CNTN4: variants seen among roughly 807,000 people sequenced by gnomAD.
CNTN4 encodes contactin-4.
A neutral mutation model predicts 122.5 loss-of-function variants in CNTN4; 77 were observed. That is an observed-to-expected ratio of 0.63 (90% confidence interval 0.52 to 0.76). The LOEUF (loss-of-function observed/expected upper bound fraction) is 0.76. Ranked by LOEUF, CNTN4 falls within the 30% of genes least tolerant of loss-of-function variation. The pLI is 0.00. For missense variants in CNTN4, 1,256 were observed against 1,259.1 expected (o/e 1.00, Z 0.04); for synonymous variants, 512 against 447.0 (o/e 1.15, Z -1.83).
intron 6 of CNTN4, among the ~76,000 whole-genome samples, chr3:2,786,199 C>T (rs2091820878): frequency 6.6e-6 from 1 of 152,092 alleles, no homozygotes; most frequent in Non-Finnish European, 1.5e-5. Flanking sequence ...GTTTGTATGA[C>T]CTCATTCCTC....
chr3:2,899,177 C>A lies in CNTN4; in HGVS notation c.941-1508C>A, dbSNP rs535893358. Among the ~76,000 whole-genome samples, 97 of 152,292 alleles carry A rather than the reference C, an allele frequency of 6.4e-4. 2 individuals are homozygous for A. In the South Asian group the frequency reaches 0.02, roughly 31 times the overall value. ...CAGCATTTATTCAAGGGCCTAGAGACCTCTGCTGGTTAAGTGATTTGTTGA... is the reference window on the plus strand; with the variant it reads ...CAGCATTTATTCAAGGGCCTAGAGAACTCTGCTGGTTAAGTGATTTGTTGA... On this transcript the variant is annotated intron_variant, in intron 10 of 24. Transcript: ENST00000418658.
At chr3:2,140,118 G>T (rs1224450754) in intron 2 of CNTN4, among the ~76,000 whole-genome samples, 1 of 152,092 alleles carries the variant, frequency 6.6e-6, no homozygotes, top group Non-Finnish European at 1.5e-5. Context: ...CTTCTCCTTT[G>T]CCTTCCACCA....
intron 6 of CNTN4, among the ~76,000 whole-genome samples, chr3:2,789,045 T>C (rs2091926137): frequency 6.6e-6 from 1 of 152,318 alleles, no homozygotes; most frequent in Admixed American, 6.5e-5. Context: ...GGATTTCCTC[T>C]GGGGCTCTAC....
intron 2 of CNTN4, among the ~76,000 whole-genome samples, chr3:2,119,689 T>C (rs2033593977): frequency 1.3e-5 from 2 of 152,156 alleles, no homozygotes; most frequent in African/African-American, 4.8e-5. Flanking sequence ...AATGGGAAAA[T>C]AATCTCTTTC....
At chr3:2,501,810 T>C (rs766034214) in intron 3 of CNTN4, among the ~76,000 whole-genome samples, 2 of 152,072 alleles carry the variant, frequency 1.3e-5, no homozygotes, top group African/African-American at 2.4e-5. Context: ...TCCTCCCAAA[T>C]CTGAAACTTT....
intron 2 of CNTN4, among the ~76,000 whole-genome samples, chr3:2,125,851 A>G (rs1181127776): frequency 6.6e-6 from 1 of 151,254 alleles, no homozygotes; most frequent in Non-Finnish European, 1.5e-5. Flanking sequence ...CCACAGCACC[A>G]GGCCTTCTAT....
chr3:2,736,942 C>T (rs2089154068), intron 5 of CNTN4, among the ~76,000 whole-genome samples: 1 of 152,084 alleles, frequency 6.6e-6, no homozygotes, highest in Non-Finnish European at 1.5e-5. Context: ...TGCCACCATG[C>T]CCAGCTAATC....
chr3:2,200,415 C>T (rs1288897509), intron 2 of CNTN4, among the ~76,000 whole-genome samples: 1 of 152,110 alleles, frequency 6.6e-6, no homozygotes, highest in Non-Finnish European at 1.5e-5. Context: ...CTCTCTGTTT[C>T]CTCCCGGGAC....
At chr3:3,009,192 C>G (rs1343780970) in intron 14 of CNTN4, among the ~76,000 whole-genome samples, 1 of 152,176 alleles carries the variant, frequency 6.6e-6, no homozygotes, top group Non-Finnish European at 1.5e-5. Flanking sequence ...GCCATGGTTA[C>G]TTTCCTCGGA....
intron 2 of CNTN4, among the ~76,000 whole-genome samples, chr3:2,262,182 A>T (rs897162285): frequency 6.6e-6 from 1 of 152,162 alleles, no homozygotes; most frequent in Non-Finnish European, 1.5e-5. Flanking sequence ...ACGAGAGGAG[A>T]TATCTAAAAT....
chr3:2,228,874 G>GAA (rs2039384103), intron 2 of CNTN4, among the ~76,000 whole-genome samples: 1 of 152,070 alleles, frequency 6.6e-6, no homozygotes, highest in South Asian at 2.1e-4. Flanking sequence ...CTAGAATATG[G>GAA]AAATTTGGAC....
intron 2 of CNTN4, among the ~76,000 whole-genome samples, chr3:2,265,639 C>T (rs1357841082): frequency 2.0e-5 from 3 of 151,940 alleles, no homozygotes; most frequent in Non-Finnish European, 4.4e-5. Context: ...TGCAATCAGT[C>T]TATAGATTGC....
At chr3:2,124,076 A>G (rs2033972300) in intron 2 of CNTN4, among the ~76,000 whole-genome samples, 1 of 152,210 alleles carries the variant, frequency 6.6e-6, no homozygotes, top group East Asian at 1.9e-4. Flanking sequence ...TGCTTGTGGA[A>G]TGAAAATAAG....
intron 11 of CNTN4, among the ~76,000 whole-genome samples, chr3:2,901,354 A>C (rs2094171216): frequency 6.6e-6 from 1 of 152,222 alleles, no homozygotes; most frequent in Non-Finnish European, 1.5e-5. Context: ...ATTGAGAGGC[A>C]GTCTTTCATG....
At chr3:2,348,725 C>A (rs1304079135) in intron 3 of CNTN4, among the ~76,000 whole-genome samples, 1 of 152,128 alleles carries the variant, frequency 6.6e-6, no homozygotes, top group East Asian at 1.9e-4. Context: ...AGCTTCCTAG[C>A]CTATAAAAAA....
At chr3:2,759,641 A>T (rs1011967286) in intron 6 of CNTN4, among the ~76,000 whole-genome samples, 1 of 151,800 alleles carries the variant, frequency 6.6e-6, no homozygotes, top group East Asian at 1.9e-4. Context: ...GTATATTCCT[A>T]GGAGTGGAGT....
At chr3:2,223,357 T>TC (rs2039138922) in intron 2 of CNTN4, among the ~76,000 whole-genome samples, 1 of 152,070 alleles carries the variant, frequency 6.6e-6, no homozygotes, top group Non-Finnish European at 1.5e-5. Context: ...CATATATCCT[T>TC]CCCCCTTCTG....
intron 14 of CNTN4, among the ~76,000 whole-genome samples, chr3:3,003,324 A>G (rs1265535003): frequency 6.6e-6 from 1 of 152,190 alleles, no homozygotes; most frequent in Non-Finnish European, 1.5e-5. Context: ...TAATAGCCAC[A>G]GTGAAATCAA....
intron 3 of CNTN4, among the ~76,000 whole-genome samples, chr3:2,435,093 C>A (rs1233753730): frequency 6.6e-6 from 1 of 152,100 alleles, no homozygotes; most frequent in East Asian, 1.9e-4. Flanking sequence ...AGTCAAAGAG[C>A]TTAATACTAA....
Sources: allele counts gnomAD v4.1 joint callset (sites outside exome capture counted in the v4.1 genomes callset), GRCh38; gene constraint gnomAD v4.1.1; transcripts MANE v1.5; gene names NCBI Gene and HGNC (gene_info 2026-07-23, HGNC 2026-07-21).